RBFOX1: variants seen among roughly 807,000 people sequenced by gnomAD.
RBFOX1 encodes the protein RNA binding fox-1 homolog 1.
A neutral mutation model predicts 57.7 loss-of-function variants in RBFOX1; 8 were observed. The observed-to-expected ratio is 0.14, with a 90% CI of 0.08 to 0.25. The LOEUF (loss-of-function observed/expected upper bound fraction) is 0.25, where lower values mean the gene tolerates loss of function less well. Ranked by LOEUF, RBFOX1 falls within the 10% of genes least tolerant of loss-of-function variation. RBFOX1 has a pLI of 1.00. For synonymous variants in RBFOX1, 326 were observed against 222.4 expected (o/e 1.47, Z -4.15); for missense variants, 611 against 548.5 (o/e 1.11, Z -1.14).
intron 2 of RBFOX1, among the ~76,000 whole-genome samples, chr16:5,578,077 G>A (rs142076427): frequency 0.013 from 1,945 of 152,224 alleles, 21 homozygotes; most frequent in Non-Finnish European, 0.018. Flanking sequence ...TCATCCTCCC[G>A]AGTAGCTGGG....
At chr16:5,355,044 A>G (rs1404464469) in intron 1 of RBFOX1, among the ~76,000 whole-genome samples, 1 of 152,126 alleles carries the variant, frequency 6.6e-6, no homozygotes. Context: ...AGAGAAGGGG[A>G]CAGACAGAGA....
chr16:6,816,105 C>G (rs543773483), intron 3 of RBFOX1, among the ~76,000 whole-genome samples: 1 of 152,050 alleles, frequency 6.6e-6, no homozygotes, highest in South Asian at 2.1e-4. Context: ...CTGAGGAGTT[C>G]GAGACCAGCC....
chr16:7,148,863 A>C (rs989952697), intron 4 of RBFOX1, among the ~76,000 whole-genome samples: 1 of 152,020 alleles, frequency 6.6e-6, no homozygotes. Flanking sequence ...GGTCACCATC[A>C]CCTTTTTCAT....
chr16:5,475,156 A>G (rs1385879079), intron 2 of RBFOX1, among the ~76,000 whole-genome samples: 2 of 152,216 alleles, frequency 1.3e-5, no homozygotes, highest in Non-Finnish European at 2.9e-5. Context: ...GTGCAAATAT[A>G]TTTGCCGTAA....
rs2059577936 is a variant in RBFOX1 at position 5,954,151 on chromosome 16, CT to C, written c.351+86818del. On this transcript the variant is annotated intron_variant, in intron 4 of 19. Coordinates refer to the RBFOX1 transcript ENST00000641259. ...GGTGCTGAGGTTGAGAACCTCTTCC[CT>C]TGTGTTTGCCTCAGTGTTTGTGGAA... Among the ~76,000 whole-genome samples the C allele has an allele frequency of 2.0e-5, 3 of 152,290 alleles. No homozygotes were observed. In the South Asian group the frequency reaches 6.2e-4, roughly 32 times the overall value.
intron 4 of RBFOX1, among the ~76,000 whole-genome samples, chr16:7,506,941 A>T (rs1057197098): frequency 9.2e-5 from 14 of 152,210 alleles, no homozygotes; most frequent in Admixed American, 7.9e-4. Context: ...CCACAGTGGG[A>T]CATATGTGCA....
chr16:5,356,673 C>G (rs17137891), intron 1 of RBFOX1, among the ~76,000 whole-genome samples: 7,411 of 152,138 alleles, frequency 0.049, 609 homozygotes, highest in African/African-American at 0.17. Context: ...TAGTATCAGT[C>G]AAAGTTATGA....
chr16:6,734,021 T>G (rs974812522), intron 3 of RBFOX1, among the ~76,000 whole-genome samples: 5 of 152,214 alleles, frequency 3.3e-5, no homozygotes, highest in African/African-American at 1.2e-4. Flanking sequence ...TCATTACAGT[T>G]TAACACGTGC....
intron 3 of RBFOX1, among the ~76,000 whole-genome samples, chr16:6,692,190 T>C (rs1029033890): frequency 6.6e-6 from 1 of 152,220 alleles, no homozygotes; most frequent in Non-Finnish European, 1.5e-5. Context: ...CTATAAAGAT[T>C]ACTTTGTTAC....
chr16:5,699,370 C>CTTTTT (rs35259674), intron 3 of RBFOX1, among the ~76,000 whole-genome samples: 1 of 138,964 alleles, frequency 7.2e-6, no homozygotes, highest in Non-Finnish European at 1.5e-5. Context: ...CTTAATTTTC[C>CTTTTT]TTTTTTTTTT....
At chr16:7,282,059 G>C (rs572686137) in intron 4 of RBFOX1, among the ~76,000 whole-genome samples, 38 of 152,014 alleles carry the variant, frequency 2.5e-4, no homozygotes, top group Admixed American at 1.0e-3. Context: ...TGTAGAGACA[G>C]GGTTTCTATT....
At chr16:6,949,549 G>A (rs1298971901) in intron 3 of RBFOX1, among the ~76,000 whole-genome samples, 1 of 149,166 alleles carries the variant, frequency 6.7e-6, no homozygotes, top group Non-Finnish European at 1.5e-5. Context: ...GTTTACTGAT[G>A]ACGATCTTCG....
At chr16:5,773,807 A>T (rs2054056062) in intron 3 of RBFOX1, among the ~76,000 whole-genome samples, 1 of 151,974 alleles carries the variant, frequency 6.6e-6, no homozygotes, top group African/African-American at 2.4e-5. Context: ...AAGCGGTTCT[A>T]CTGCCTCAAC....
chr16:5,241,284 T>G (rs1269916202), intron 1 of RBFOX1, among the ~76,000 whole-genome samples: 1 of 152,188 alleles, frequency 6.6e-6, no homozygotes, highest in Non-Finnish European at 1.5e-5. Context: ...CGAACTCAGG[T>G]GAATTTTCTC....
At chr16:7,186,135 G>C (rs1263787695) in intron 4 of RBFOX1, among the ~76,000 whole-genome samples, 1 of 151,524 alleles carries the variant, frequency 6.6e-6, no homozygotes, top group East Asian at 1.9e-4. Flanking sequence ...TTGTAAAGGA[G>C]ATTCCTAGAT....
chr16:7,138,884 G>T (rs1360715354), intron 4 of RBFOX1, among the ~76,000 whole-genome samples: 1 of 152,098 alleles, frequency 6.6e-6, no homozygotes, highest in South Asian at 2.1e-4. Context: ...TTTAGGCTCA[G>T]TGCAAGCTCC....
At chr16:7,340,024 G>A (rs907549872) in intron 4 of RBFOX1, among the ~76,000 whole-genome samples, 5 of 152,140 alleles carry the variant, frequency 3.3e-5, no homozygotes, top group African/African-American at 4.8e-5. Context: ...ATTCCAGCAA[G>A]AATTCCAGAT....
At chr16:6,686,027 A>C (rs1397155136) in intron 3 of RBFOX1, among the ~76,000 whole-genome samples, 1 of 152,186 alleles carries the variant, frequency 6.6e-6, no homozygotes, top group Non-Finnish European at 1.5e-5. Context: ...ATATTGACAA[A>C]AATGTTATTT....
intron 2 of RBFOX1, among the ~76,000 whole-genome samples, chr16:5,489,827 C>A (rs1256771764): frequency 1.3e-5 from 2 of 152,216 alleles, no homozygotes; most frequent in East Asian, 3.9e-4. Flanking sequence ...CTAGGATGTG[C>A]ATCTCTGTCT....
Sources: gnomAD v4.1 joint callset for allele counts (sites outside exome capture counted in the v4.1 genomes callset) on GRCh38, gnomAD v4.1.1 for gene constraint, MANE v1.5 for transcripts, NCBI Gene and HGNC (gene_info 2026-07-23, HGNC 2026-07-21) for gene names.